PDS5B: variants seen among roughly 807,000 people sequenced by gnomAD.
PDS5B encodes the protein PDS5 cohesin associated factor B.
Under a neutral mutation model 184.1 loss-of-function variants are expected in PDS5B, and 51 were observed. The ratio of observed to expected loss-of-function variants is 0.28; its 90% CI spans 0.22 to 0.35. PDS5B has a LOEUF of 0.35. PDS5B is among the 10% of genes least tolerant of loss of function. The probability of loss-of-function intolerance (pLI) is 1.00; values close to 1 mark genes in which losing one functional copy is unlikely to be tolerated. For missense variants in PDS5B, 1,180 were observed against 1,723.3 expected, an observed-to-expected ratio of 0.68 and a Z score of 5.58; for synonymous variants, 566 against 569.2, an observed-to-expected ratio of 0.99 and a Z score of 0.08.
chr13:32,739,409 C>G (rs1447345848), intron 21 of PDS5B, among the ~76,000 whole-genome samples: 2 of 152,142 alleles, frequency 1.3e-5, no homozygotes, highest in Non-Finnish European at 2.9e-5. Flanking sequence ...TCTCACACAA[C>G]TTATGTTAGG....
chr13:32,753,636 G>A, intron 25 of PDS5B, 100 bp downstream of exon 25: 1 of 726,270 alleles, frequency 1.4e-6, no homozygotes, highest in East Asian at 2.8e-5. Context: ...TTTATTATTT[G>A]TGATTAACAA....
At chr13:32,600,829 C>A (rs1378135342) in intron 1 of PDS5B, among the ~76,000 whole-genome samples, 1 of 152,212 alleles carries the variant, frequency 6.6e-6, no homozygotes, top group African/African-American at 2.4e-5. Flanking sequence ...TGGACAGCAG[C>A]TAAAATTGCT....
At chr13:32,588,360 TATAA>T (rs2057723784) in intron 1 of PDS5B, among the ~76,000 whole-genome samples, 1 of 152,354 alleles carries the variant, frequency 6.6e-6, no homozygotes, top group African/African-American at 2.4e-5. Flanking sequence ...CATTATTCCT[TATAA>T]ATAAAATTTG....
chr13:32,635,170 G>GTTT (rs71071054), intron 1 of PDS5B, among the ~76,000 whole-genome samples: 12 of 81,120 alleles, frequency 1.5e-4, no homozygotes, highest in South Asian at 4.1e-4. Flanking sequence ...AGCCAATTAC[G>GTTT]TTTTTTTTTT....
At chr13:32,666,205 C>A in intron 6 of PDS5B, among the ~76,000 whole-genome samples, 1 of 152,060 alleles carries the variant, frequency 6.6e-6, no homozygotes, top group Non-Finnish European at 1.5e-5. Flanking sequence ...CTCAGCCTCC[C>A]AAGTAGCTGG....
In PDS5B at chr13:32,770,178, A is replaced by G; in HGVS notation, c.3682A>G (p.Lys1228Glu). ...AACGCCCGTCACAGAACAGGAGGAG[A>G]AATTAGGTATGGATGACTTGACTAA... Reference protein sequence around the residue: ...KKTPVTEQEEKLGMDDLTKLV... With the variant: ...KKTPVTEQEEELGMDDLTKLV... Residue 1228 changes from lysine to glutamate, a missense_variant, in exon 32 of 35, where the codon AAA becomes GAA. Physicochemically the swap from Lys to Glu is moderately conservative, Grantham distance 56. Coordinates refer to ENST00000315596, the MANE Select transcript of PDS5B (RefSeq NM_015032.4). The G allele has an allele frequency of 6.2e-7, 1 of 1,614,012 alleles. No homozygotes were observed. The highest frequency in any genetic ancestry group is 8.5e-7 in the Non-Finnish European group (1 of 1,179,982).
intron 31 of PDS5B, among the ~76,000 whole-genome samples, chr13:32,765,210 T>C (rs1201505518): frequency 6.6e-6 from 1 of 152,234 alleles, no homozygotes; most frequent in East Asian, 1.9e-4. Flanking sequence ...TGGGTTTGTT[T>C]TGACTTTACA....
At chr13:32,680,802 G>GT (rs1276481050) in intron 10 of PDS5B, among the ~76,000 whole-genome samples, 1 of 152,026 alleles carries the variant, frequency 6.6e-6, no homozygotes, top group Non-Finnish European at 1.5e-5. Context: ...TTTTTAAATT[G>GT]TTTTTTAAGA....
intron 28 of PDS5B, among the ~76,000 whole-genome samples, chr13:32,758,899 G>T (rs1444067658): frequency 6.6e-6 from 1 of 152,128 alleles, no homozygotes; most frequent in Non-Finnish European, 1.5e-5. Context: ...CAAAGCATGT[G>T]AATCTGTGAA....
At chr13:32,762,741 CT>C (rs796422529) in intron 30 of PDS5B, among the ~76,000 whole-genome samples, 50 of 152,164 alleles carry the variant, frequency 3.3e-4, no homozygotes, top group African/African-American at 1.2e-3. Context: ...TTGTACTTCT[CT>C]TTTTACTGTC....
chr13:32,628,498 A>C (rs1228388381), intron 1 of PDS5B, among the ~76,000 whole-genome samples: 1 of 151,556 alleles, frequency 6.6e-6, no homozygotes. Context: ...GAGTGAGCCG[A>C]GATCGTGCCA....
At chr13:32,647,505 A>T (rs1566281016) in intron 1 of PDS5B, among the ~76,000 whole-genome samples, 1 of 152,084 alleles carries the variant, frequency 6.6e-6, no homozygotes, top group Non-Finnish European at 1.5e-5. Context: ...TTTGGAGCTC[A>T]AAGTTTAAGC....
At chr13:32,644,465 T>G (rs2140636910) in intron 1 of PDS5B, among the ~76,000 whole-genome samples, 1 of 152,352 alleles carries the variant, frequency 6.6e-6, no homozygotes, top group South Asian at 2.1e-4. Context: ...TTTGAAGTTT[T>G]TATGTATGTA....
At chr13:32,660,113 C>G (rs189645123) in intron 6 of PDS5B, among the ~76,000 whole-genome samples, 191 of 152,130 alleles carry the variant, frequency 1.3e-3, no homozygotes, top group African/African-American at 4.2e-3. Context: ...TGCCATCTTG[C>G]TCCTCTTCCC....
At chr13:32,745,807 T>C (rs2140982156) in intron 23 of PDS5B, among the ~76,000 whole-genome samples, 170 bp from the exon 24 acceptor site, 1 of 152,278 alleles carries the variant, frequency 6.6e-6, no homozygotes, top group South Asian at 2.1e-4. Context: ...TAATACTATC[T>C]CCTAGGTACT....
intron 19 of PDS5B, among the ~76,000 whole-genome samples, chr13:32,726,904 A>G (rs1952919176): frequency 6.6e-6 from 1 of 152,186 alleles, no homozygotes; most frequent in South Asian, 2.1e-4. Flanking sequence ...CAATAGAGCA[A>G]CACCCTTAAA....
chr13:32,646,373 T>TG (rs1950226785), intron 1 of PDS5B, among the ~76,000 whole-genome samples: 2 of 56,570 alleles, frequency 3.5e-5, no homozygotes, highest in Non-Finnish European at 9.6e-5. Flanking sequence ...GGCTGTGTTT[T>TG]TTTTTTTTTT....
At chr13:32,627,507 T>C (rs1593284432) in intron 1 of PDS5B, among the ~76,000 whole-genome samples, 1 of 152,318 alleles carries the variant, frequency 6.6e-6, no homozygotes. Context: ...AGTTTTTAAA[T>C]TTTTTTATGT....
intron 13 of PDS5B, 86 bp from the exon 14 acceptor site, chr13:32,694,137 T>G (rs538873891): frequency 1.3e-5 from 12 of 897,654 alleles, no homozygotes; most frequent in Non-Finnish European, 3.5e-6. Flanking sequence ...CTTTTATAAT[T>G]TGAACCTTAA....
Sources: allele counts gnomAD v4.1 joint callset (sites outside exome capture counted in the v4.1 genomes callset), GRCh38; gene constraint gnomAD v4.1.1; transcripts MANE v1.5; gene names NCBI Gene and HGNC (gene_info 2026-07-23, HGNC 2026-07-21).